The following ANAPC16 variants were observed in gnomAD, a reference collection of about 807,000 sequenced individuals.
ANAPC16 encodes anaphase promoting complex subunit 16.
In ANAPC16, 6 loss-of-function variants were observed where a neutral mutation model predicts 13.1. That is an observed-to-expected ratio of 0.46 (90% confidence interval 0.25 to 0.90). The LOEUF (loss-of-function observed/expected upper bound fraction) is 0.90, where lower values mean the gene tolerates loss of function less well. Ranked by LOEUF, ANAPC16 falls within the 40% of genes least tolerant of loss-of-function variation. ANAPC16 has a pLI of 0.18. For missense variants in ANAPC16, 113 were observed against 131.1 expected, an observed-to-expected ratio of 0.86 and a Z score of 0.67; for synonymous variants, 55 against 51.3, an observed-to-expected ratio of 1.07 and a Z score of -0.31.
rs1264445546 is a variant in ANAPC16 at position 72,234,357 on chromosome 10, T to G, written c.*1241T>G. ...CTTGCTATGTTGCCCAGGTTGGTCT[T>G]GAACTCCTGGCCTCAAGAGATCCCC... On this transcript the variant is annotated 3_prime_UTR_variant, in exon 4 of 4. Transcript: ENST00000299381. 6.6e-6 allele frequency: 1 copy of G among 152,078 alleles called. No individual in the cohort carries two copies. The highest frequency in any genetic ancestry group is 1.9e-4 in the East Asian group (1 of 5,180). The allele number at this position is 152,078 out of a possible 1,614,324, so 9.4% of individuals were successfully genotyped here.
chr10:72,216,463 AC>A (rs1859352274), intron 1 of ANAPC16, among the ~76,000 whole-genome samples: 2 of 9,900 alleles, frequency 2.0e-4, no homozygotes, highest in African/African-American at 6.8e-4. Context: ...CTCCACGCCC[AC>A]CCCCGCCCCG....
chr10:72,224,770 A>G (rs1377070556), intron 2 of ANAPC16, among the ~76,000 whole-genome samples: 1 of 152,176 alleles, frequency 6.6e-6, no homozygotes, highest in Admixed American at 6.5e-5. Context: ...TCACCCTGTC[A>G]GAAAGGTTCT....
At position 72,224,029 on chromosome 10, in the gene ANAPC16, C is replaced by A; in HGVS notation, c.115C>A (p.Pro39Thr). 6.2e-7 allele frequency: 1 copy of A among 1,610,204 alleles called. No individual in the cohort carries two copies. The highest frequency in any genetic ancestry group is 8.5e-7 in the Non-Finnish European group (1 of 1,177,016). ...APPRKALFTY[P>T]KGAGEMLEDG... ...ACCACGGAAAGCCCTTTTCACCTAC[C>A]CCAAAGGAGCTGGAGAGATGTTAGA... The change falls in exon 2 of 4, where the codon CCC (proline) becomes ACC (threonine). Residue 39 changes from proline (P) to threonine (T), a missense_variant. Coordinates refer to ENST00000299381, the MANE Select transcript of ANAPC16 (RefSeq NM_173473.4).
intron 1 of ANAPC16, among the ~76,000 whole-genome samples, chr10:72,219,673 G>C (rs1859823743): frequency 6.6e-6 from 1 of 152,198 alleles, no homozygotes; most frequent in Non-Finnish European, 1.5e-5. Flanking sequence ...GGAGGTCAAG[G>C]CTGGAGTTAG....
At chr10:72,217,916 C>T (rs949304034) in intron 1 of ANAPC16, among the ~76,000 whole-genome samples, 1 of 151,278 alleles carries the variant, frequency 6.6e-6, no homozygotes, top group Admixed American at 6.6e-5. Context: ...ATTTGAGAGG[C>T]TTAATCATTA....
intron 2 of ANAPC16, among the ~76,000 whole-genome samples, chr10:72,229,112 A>G (rs1410866493): frequency 1.3e-5 from 2 of 151,836 alleles, no homozygotes; most frequent in Non-Finnish European, 2.9e-5. Context: ...GACTGCTGAC[A>G]TTCAAACCCC....
At chr10:72,225,866 A>T (rs1033916442) in intron 2 of ANAPC16, among the ~76,000 whole-genome samples, 2 of 149,926 alleles carry the variant, frequency 1.3e-5, no homozygotes, top group Non-Finnish European at 3.0e-5. Flanking sequence ...ATGCCACTGT[A>T]CTCCAGGCTG....
intron 1 of ANAPC16, among the ~76,000 whole-genome samples, chr10:72,219,604 G>A (rs1564790459): frequency 6.6e-6 from 1 of 152,086 alleles, no homozygotes; most frequent in Non-Finnish European, 1.5e-5. Flanking sequence ...GGGTGTTCTG[G>A]CACGTGCCTG....
intron 2 of ANAPC16, among the ~76,000 whole-genome samples, chr10:72,227,672 T>A (rs1005935920): frequency 6.6e-6 from 1 of 151,938 alleles, no homozygotes; most frequent in African/African-American, 2.4e-5. Flanking sequence ...TGTTTATAGG[T>A]GATACTATTC....
At chr10:72,226,219 ATGTT>A (rs1400640126) in intron 2 of ANAPC16, among the ~76,000 whole-genome samples, 1 of 151,530 alleles carries the variant, frequency 6.6e-6, no homozygotes, top group Non-Finnish European at 1.5e-5. Flanking sequence ...GGGTTTCGCC[ATGTT>A]GCCCAGGCTG....
intron 1 of ANAPC16, among the ~76,000 whole-genome samples, chr10:72,221,594 C>G (rs942501101): frequency 6.9e-6 from 1 of 145,610 alleles, no homozygotes; most frequent in African/African-American, 2.6e-5. Flanking sequence ...GCTCTGTCAC[C>G]CAGACTGGAG....
intron 3 of ANAPC16, among the ~76,000 whole-genome samples, chr10:72,231,863 T>A (rs1490124479): frequency 6.6e-6 from 1 of 151,962 alleles, no homozygotes; most frequent in Non-Finnish European, 1.5e-5. Context: ...CCTTTCTTCT[T>A]TTAACATTAG....
chr10:72,222,495 G>C (rs1201214536), intron 1 of ANAPC16, among the ~76,000 whole-genome samples: 1 of 131,832 alleles, frequency 7.6e-6, no homozygotes, highest in Non-Finnish European at 1.5e-5. Flanking sequence ...AAAGGAAAGA[G>C]GCCAGGCGCA....
chr10:72,222,622 C>G (rs1338701697), intron 1 of ANAPC16, among the ~76,000 whole-genome samples: 1 of 151,844 alleles, frequency 6.6e-6, no homozygotes, highest in Non-Finnish European at 1.5e-5. Context: ...ACTAAAAATA[C>G]AAAAATTAGC....
intron 2 of ANAPC16, among the ~76,000 whole-genome samples, chr10:72,228,149 A>G (rs1281640680): frequency 6.6e-6 from 1 of 152,214 alleles, no homozygotes; most frequent in Non-Finnish European, 1.5e-5. Flanking sequence ...GTTCAACTTG[A>G]TGTTACATCC....
At chr10:72,220,767 AGTG>A (rs1859899961) in intron 1 of ANAPC16, 1 of 149,510 alleles carries the variant, frequency 6.7e-6, no homozygotes, top group Admixed American at 6.7e-5. Flanking sequence ...GTCTAGGTGA[AGTG>A]GTGTTTACAG....
At position 72,216,106 on chromosome 10, in the gene ANAPC16, G is replaced by A. The variant is rs1181896746; in HGVS notation, c.-60G>A. 6.6e-6 allele frequency: 1 copy of A among 152,414 alleles called. No homozygotes were observed. Among genetic ancestry groups the A allele is most frequent in the African/African-American group, 2.4e-5 (1 of 41,470 alleles). 9.4% of individuals were successfully genotyped at this position (152,414 alleles called of 1,614,324 possible). ...AGCCACTCAGGCTGGTCCTGGGGGT[G>A]GGGCTGTAGGGGAAAGTGCTAAAGC... On this transcript the variant is annotated 5_prime_UTR_variant, in exon 1 of 4. Coordinates refer to ENST00000299381, the MANE Select transcript of ANAPC16 (RefSeq NM_173473.4).
At chr10:72,232,884 G>A (rs1176409213) in intron 3 of ANAPC16, 117 bp from the exon 4 acceptor site, 15 of 798,402 alleles carry the variant, frequency 1.9e-5, no homozygotes, top group Non-Finnish European at 2.7e-5. Flanking sequence ...GATTATAGGC[G>A]TGATCCACCA....
intron 3 of ANAPC16, among the ~76,000 whole-genome samples, chr10:72,231,260 G>A (rs1437705672): frequency 7.9e-5 from 12 of 152,078 alleles, no homozygotes; most frequent in East Asian, 1.9e-4. Context: ...CATCCAGGCC[G>A]GGTGCAGTAG....
Sources: gnomAD v4.1 joint callset for allele counts (sites outside exome capture counted in the v4.1 genomes callset) on GRCh38, gnomAD v4.1.1 for gene constraint, MANE v1.5 for transcripts, NCBI Gene and HGNC (gene_info 2026-07-23, HGNC 2026-07-21) for gene names.